The following PLCXD3 variants were observed in gnomAD, a reference collection of about 807,000 sequenced individuals.
The protein encoded by PLCXD3 is phosphatidylinositol specific phospholipase C X domain containing 3, also known as PI-PLC X domain-containing protein 3.
In PLCXD3, 19 loss-of-function variants were observed where a neutral mutation model predicts 25.5. The ratio of observed to expected loss-of-function variants is 0.75; its 90% CI spans 0.52 to 1.09. PLCXD3 has a LOEUF of 1.09. Among genes scored for constraint, PLCXD3 ranks in the 50% least tolerant of loss-of-function variants. The pLI is 0.00. For missense variants in PLCXD3, 411 were observed against 388.1 expected (o/e 1.06, Z -0.50); for synonymous variants, 174 against 137.6 (o/e 1.26, Z -1.85).
intron 1 of PLCXD3, among the ~76,000 whole-genome samples, chr5:41,394,949 G>A (rs12513713): frequency 0.11 from 16,123 of 152,082 alleles, 1,053 homozygotes; most frequent in Admixed American, 0.17. Context: ...AAACTTGTTG[G>A]ACTTCATCTG....
chr5:41,350,227 T>A (rs527251668), intron 2 of PLCXD3, among the ~76,000 whole-genome samples: 16 of 152,242 alleles, frequency 1.1e-4, no homozygotes, highest in African/African-American at 2.2e-4. Context: ...CCGTCCTCTG[T>A]TTTCTCATTG....
chr5:41,387,223 C>T (rs977535949), intron 1 of PLCXD3, among the ~76,000 whole-genome samples: 1 of 152,038 alleles, frequency 6.6e-6, no homozygotes, highest in Non-Finnish European at 1.5e-5. Context: ...CAAGAAACCA[C>T]GTTCTGTGAA....
At chr5:41,459,539 C>T (rs1414990228) in intron 1 of PLCXD3, among the ~76,000 whole-genome samples, 4 of 151,822 alleles carry the variant, frequency 2.6e-5, no homozygotes, top group Admixed American at 2.6e-4. Context: ...CATCACACTG[C>T]TCAAGTCCCT....
chr5:41,367,375 T>A (rs1744967551), intron 2 of PLCXD3, among the ~76,000 whole-genome samples: 1 of 152,218 alleles, frequency 6.6e-6, no homozygotes, highest in South Asian at 2.1e-4. Flanking sequence ...TTGATTTGCA[T>A]TTATCTAATG....
chr5:41,444,780 T>C (rs549052054), intron 1 of PLCXD3, among the ~76,000 whole-genome samples: 9 of 152,274 alleles, frequency 5.9e-5, no homozygotes, highest in Admixed American at 4.6e-4. Context: ...AAATTACTCA[T>C]AGCAAAGCCG....
chr5:41,507,319 A>T (rs528876795), intron 1 of PLCXD3, among the ~76,000 whole-genome samples: 1 of 152,350 alleles, frequency 6.6e-6, no homozygotes, highest in Non-Finnish European at 1.5e-5. Context: ...ACTTAAGTTT[A>T]GGGCCATCAG....
chr5:41,329,236 T>C (rs1382352979), intron 2 of PLCXD3, among the ~76,000 whole-genome samples: 6 of 152,214 alleles, frequency 3.9e-5, no homozygotes, highest in Non-Finnish European at 8.8e-5. Context: ...GTAACGTACT[T>C]TCATCTTTCA....
intron 2 of PLCXD3, among the ~76,000 whole-genome samples, chr5:41,352,130 T>A (rs1408693807): frequency 6.7e-6 from 1 of 149,070 alleles, no homozygotes; most frequent in Non-Finnish European, 1.5e-5. Flanking sequence ...TAAAGAACTG[T>A]GTTTCCTTTA....
At chr5:41,467,909 G>C (rs116037017) in intron 1 of PLCXD3, among the ~76,000 whole-genome samples, 30 of 151,568 alleles carry the variant, frequency 2.0e-4, no homozygotes, top group African/African-American at 5.6e-4. Context: ...TGTGTTCCAT[G>C]GGTTGATGTC....
At chr5:41,314,065 T>A (rs1224073874) in intron 2 of PLCXD3, among the ~76,000 whole-genome samples, 2 of 152,218 alleles carry the variant, frequency 1.3e-5, no homozygotes, top group Admixed American at 6.5e-5. Flanking sequence ...TTTGCATTTG[T>A]ATTCTGATTT....
At position 41,416,570 on chromosome 5, in the gene PLCXD3, C is replaced by A. The variant is rs146339763; in HGVS notation, c.104-34036G>T. The stretch of plus-strand genomic sequence containing the variant: ...CAAGTGAGTAAATGTTCCAAGCAAC[C>A]AGACCCACTCAGCATCCTCTTTTGC... On this transcript the variant is annotated intron_variant, in intron 1 of 2. Transcript: ENST00000377801. Among the ~76,000 whole-genome samples, 440 of 152,290 alleles carry A rather than the reference C, an allele frequency of 2.9e-3. 2 individuals are homozygous for A. The highest frequency in any genetic ancestry group is 4.7e-3 in the Non-Finnish European group (322 of 68,018).
intron 1 of PLCXD3, among the ~76,000 whole-genome samples, chr5:41,439,545 C>G (rs1747332361): frequency 1.3e-5 from 2 of 151,960 alleles, no homozygotes; most frequent in African/African-American, 2.4e-5. Context: ...CATATTGAAC[C>G]AAGAGGTGGC....
At chr5:41,372,191 G>T (rs1032644393) in intron 2 of PLCXD3, among the ~76,000 whole-genome samples, 2 of 151,826 alleles carry the variant, frequency 1.3e-5, no homozygotes, top group Non-Finnish European at 2.9e-5. Flanking sequence ...CAATTCCATA[G>T]AAGAAAACTG....
At chr5:41,499,832 T>A (rs1748916746) in intron 1 of PLCXD3, among the ~76,000 whole-genome samples, 1 of 151,652 alleles carries the variant, frequency 6.6e-6, no homozygotes, top group Non-Finnish European at 1.5e-5. Flanking sequence ...AAATAAAACC[T>A]CACATATACC....
In PLCXD3 at chr5:41,329,010, C is replaced by T. The variant is rs541329193; in HGVS notation, c.813-15240G>A. Among the ~76,000 whole-genome samples, 38 of 152,292 alleles carry T rather than the reference C, an allele frequency of 2.5e-4. 1 individual carries two copies. The South Asian group carries it at 7.9e-3, about 32-fold the overall frequency. The stretch of plus-strand genomic sequence containing the variant: ...CCTGAACAATGGCCACTAGAGGTTT[C>T]TTCAGTTTCATCTCTTGTCATTCTT... On this transcript the variant is annotated intron_variant, in intron 2 of 2. Coordinates refer to ENST00000377801, the MANE Select transcript of PLCXD3 (RefSeq NM_001005473.3).
intron 1 of PLCXD3, among the ~76,000 whole-genome samples, chr5:41,421,117 A>C (rs1238569725): frequency 1.3e-5 from 2 of 152,210 alleles, no homozygotes; most frequent in Non-Finnish European, 2.9e-5. Context: ...ATGGAAAGAT[A>C]TGCCTAATAT....
chr5:41,427,598 T>C (rs535588360), intron 1 of PLCXD3, among the ~76,000 whole-genome samples: 14 of 152,294 alleles, frequency 9.2e-5, no homozygotes, highest in Middle Eastern at 3.4e-3. Context: ...AGCAGACTTA[T>C]CAGTCTGCTG....
At chr5:41,504,334 A>G (rs1561293033) in intron 1 of PLCXD3, among the ~76,000 whole-genome samples, 1 of 152,204 alleles carries the variant, frequency 6.6e-6, no homozygotes, top group African/African-American at 2.4e-5. Context: ...ATTGAGCATA[A>G]TGCAGAGTAT....
intron 2 of PLCXD3, among the ~76,000 whole-genome samples, chr5:41,329,940 C>A (rs1743744291): frequency 6.6e-6 from 1 of 151,086 alleles, no homozygotes; most frequent in African/African-American, 2.4e-5. Context: ...TATATAATAC[C>A]TTTATAACAA....
Sources: gnomAD v4.1 joint callset for allele counts (sites outside exome capture counted in the v4.1 genomes callset) on GRCh38, gnomAD v4.1.1 for gene constraint, MANE v1.5 for transcripts, NCBI Gene and HGNC (gene_info 2026-07-23, HGNC 2026-07-21) for gene names.